The following RNF150 variants were observed in gnomAD, a reference collection of about 807,000 sequenced individuals.
The protein encoded by RNF150 is ring finger protein 150.
RNF150 carries 24 observed loss-of-function variants against 39.3 expected under a neutral mutation model. The ratio of observed to expected loss-of-function variants is 0.61; its 90% CI spans 0.44 to 0.86. The LOEUF (loss-of-function observed/expected upper bound fraction) is 0.86, where lower values mean the gene tolerates loss of function less well. RNF150 is among the 40% of genes least tolerant of loss of function. The pLI, the probability that RNF150 is intolerant of heterozygous loss-of-function variation, is 0.00. For missense variants in RNF150, 502 were observed against 587.8 expected (o/e 0.85, Z 1.51); for synonymous variants, 255 against 227.3 (o/e 1.12, Z -1.10).
intron 1 of RNF150, among the ~76,000 whole-genome samples, chr4:141,071,641 C>G (rs989515707): frequency 2.0e-5 from 3 of 151,954 alleles, no homozygotes; most frequent in Non-Finnish European, 2.9e-5. Flanking sequence ...ATTACATTCT[C>G]CAATGAAAAT....
intron 1 of RNF150, among the ~76,000 whole-genome samples, chr4:140,976,600 T>A (rs895605002): frequency 6.6e-6 from 1 of 151,832 alleles, no homozygotes; most frequent in Admixed American, 6.6e-5. Flanking sequence ...CAGTGCCACT[T>A]CCTCTTCTTC....
In RNF150 at chr4:140,950,838, A is replaced by G. The variant is rs543344233; in HGVS notation, c.736-1466T>C. Reference sequence around the variant, plus strand: ...ATAGTTTGTCCTGCGTATCTAAAATAATGTTGACATTTTAATTAGAAGGAT... The same window carrying G: ...ATAGTTTGTCCTGCGTATCTAAAATGATGTTGACATTTTAATTAGAAGGAT... On this transcript the variant is annotated intron_variant, in intron 2 of 6. Coordinates refer to ENST00000515673, the MANE Select transcript of RNF150 (RefSeq NM_020724.2). Among the ~76,000 whole-genome samples, 6 of 152,374 alleles carry G rather than the reference A, an allele frequency of 3.9e-5. No homozygotes were observed. In the East Asian group the frequency reaches 7.7e-4, roughly 20 times the overall value.
chr4:140,872,241 T>C (rs1728976667), intron 6 of RNF150, among the ~76,000 whole-genome samples: 1 of 152,226 alleles, frequency 6.6e-6, no homozygotes, highest in South Asian at 2.1e-4. Context: ...ATTAACAACA[T>C]AAATGTCGAC....
At chr4:141,030,208 C>T (rs1735883806) in intron 1 of RNF150, among the ~76,000 whole-genome samples, 1 of 150,902 alleles carries the variant, frequency 6.6e-6, no homozygotes. Context: ...AAAAAAAGCT[C>T]AGTATCAGTA....
intron 1 of RNF150, among the ~76,000 whole-genome samples, chr4:141,151,409 GACACACACACACACAC>G (rs869289733): frequency 0.014 from 1,674 of 121,972 alleles, 37 homozygotes; most frequent in African/African-American, 0.047. Context: ...CATCTCTACA[GACACACACACACACAC>G]ACACACACAC....
chr4:141,118,210 G>T (rs1314380427), intron 1 of RNF150, among the ~76,000 whole-genome samples: 1 of 152,148 alleles, frequency 6.6e-6, no homozygotes, highest in Admixed American at 6.5e-5. Context: ...TTTGACAATT[G>T]ATAGGCTGCT....
chr4:141,084,053 A>C (rs2110987735), intron 1 of RNF150, among the ~76,000 whole-genome samples: 1 of 152,344 alleles, frequency 6.6e-6, no homozygotes, highest in African/African-American at 2.4e-5. Context: ...TTTAAATTTA[A>C]GTAGAATGCA....
intron 1 of RNF150, among the ~76,000 whole-genome samples, chr4:141,127,127 C>A (rs934643147): frequency 7.4e-6 from 1 of 134,286 alleles, no homozygotes; most frequent in Non-Finnish European, 1.6e-5. Context: ...GACCAGCAGA[C>A]AGACCACCTG....
chr4:141,160,684 T>C (rs975848883), intron 1 of RNF150, among the ~76,000 whole-genome samples: 2 of 152,084 alleles, frequency 1.3e-5, no homozygotes, highest in African/African-American at 4.8e-5. Flanking sequence ...ATAGAGTGAG[T>C]GAGTTCTCAC....
chr4:141,004,390 C>T (rs1734791870), intron 1 of RNF150, among the ~76,000 whole-genome samples: 1 of 152,086 alleles, frequency 6.6e-6, no homozygotes, highest in African/African-American at 2.4e-5. Context: ...TAAAGCTGAG[C>T]TCAGAAGAAT....
chr4:140,921,579 A>G (rs1466852559), intron 5 of RNF150, among the ~76,000 whole-genome samples: 1 of 152,200 alleles, frequency 6.6e-6, no homozygotes, highest in Admixed American at 6.5e-5. Flanking sequence ...AACTATTCCA[A>G]TCAATACAAA....
At chr4:141,125,811 T>C (rs1169150199) in intron 1 of RNF150, among the ~76,000 whole-genome samples, 1 of 152,198 alleles carries the variant, frequency 6.6e-6, no homozygotes, top group Non-Finnish European at 1.5e-5. Context: ...AGGAGATTTT[T>C]AAGACACAGC....
At chr4:140,872,862 G>C (rs1729002354) in intron 6 of RNF150, among the ~76,000 whole-genome samples, 1 of 152,238 alleles carries the variant, frequency 6.6e-6, no homozygotes, top group Non-Finnish European at 1.5e-5. Flanking sequence ...CTAGATACTT[G>C]AGTCTGGAGT....
chr4:141,142,586 G>C (rs1380194479), intron 1 of RNF150, among the ~76,000 whole-genome samples: 9 of 152,226 alleles, frequency 5.9e-5, no homozygotes, highest in Non-Finnish European at 8.8e-5. Flanking sequence ...TTCTGCCCAG[G>C]CCACTCACCG....
chr4:141,055,288 C>A (rs1447529745), intron 1 of RNF150, among the ~76,000 whole-genome samples: 1 of 152,200 alleles, frequency 6.6e-6, no homozygotes, highest in African/African-American at 2.4e-5. Flanking sequence ...ATACTCATCC[C>A]CGCTTATCAT....
chr4:141,054,195 G>T (rs2042630), intron 1 of RNF150, among the ~76,000 whole-genome samples: 121,069 of 152,050 alleles, frequency 0.8, 48,412 homozygotes, highest in Non-Finnish European at 0.84. Context: ...ATCAAAATAT[G>T]GCCTTAGGTT....
intron 4 of RNF150, among the ~76,000 whole-genome samples, chr4:140,937,114 T>C (rs1040140362): frequency 2.6e-5 from 4 of 152,110 alleles, no homozygotes; most frequent in Admixed American, 6.5e-5. Flanking sequence ...AAGGGATAAA[T>C]ACAGAATAAA....
At chr4:141,100,299 T>C (rs1315224593) in intron 1 of RNF150, among the ~76,000 whole-genome samples, 2 of 152,196 alleles carry the variant, frequency 1.3e-5, no homozygotes, top group African/African-American at 4.8e-5. Flanking sequence ...CAGGAAGAGT[T>C]AAATATATAA....
chr4:141,090,041 T>C (rs1738520987), intron 1 of RNF150, among the ~76,000 whole-genome samples: 1 of 152,208 alleles, frequency 6.6e-6, no homozygotes. Flanking sequence ...AAAATCAGCA[T>C]CTTCCAGCCT....
Sources: allele counts gnomAD v4.1 joint callset (sites outside exome capture counted in the v4.1 genomes callset), GRCh38; gene constraint gnomAD v4.1.1; transcripts MANE v1.5; gene names NCBI Gene and HGNC (gene_info 2026-07-23, HGNC 2026-07-21).